RGPD2: variants seen among roughly 807,000 people sequenced by gnomAD.
The protein encoded by RGPD2 is RANBP2-like and GRIP domain-containing protein 2.
In RGPD2, 2 loss-of-function variants were observed where a neutral mutation model predicts 36.0. The observed-to-expected ratio is 0.06, with a 90% CI of 0.02 to 0.17. RGPD2 has a LOEUF of 0.17. Among genes scored for constraint, RGPD2 ranks in the 10% least tolerant of loss-of-function variants. The probability of loss-of-function intolerance (pLI) is 1.00; values close to 1 mark genes in which losing one functional copy is unlikely to be tolerated. For missense variants in RGPD2, 40 were observed against 464.3 expected (o/e 0.09, Z 8.40); for synonymous variants, 19 against 163.8 (o/e 0.12, Z 6.75).
At chr2:87,907,464 G>GAAAGTGGAATAAAAATAGA in the RGPD2 span, among the ~76,000 whole-genome samples, 1 of 2,012 alleles carries the variant, frequency 5.0e-4, no homozygotes, top group Non-Finnish European at 7.7e-4. Context: ...AAAAAAAAAA[G>GAAAGTGGAATAAAAATAGA]AATTGTGGGT....
the RGPD2 span, among the ~76,000 whole-genome samples, chr2:87,861,725 A>G: frequency 6.7e-6 from 1 of 149,656 alleles, no homozygotes; most frequent in Non-Finnish European, 1.5e-5. Flanking sequence ...ACCATTGCAG[A>G]CCATATAGCT....
the RGPD2 span, among the ~76,000 whole-genome samples, chr2:87,881,286 G>A: frequency 6.6e-6 from 1 of 152,152 alleles, no homozygotes; most frequent in African/African-American, 2.4e-5. Context: ...GAGGATGGTG[G>A]CTCCTTTCCC....
chr2:87,936,306 G>T, the RGPD2 span, among the ~76,000 whole-genome samples: 5 of 151,622 alleles, frequency 3.3e-5, no homozygotes, highest in Non-Finnish European at 7.4e-5. Flanking sequence ...ACAGAACATA[G>T]TTCTGAATTA....
chr2:87,875,861 G>A, the RGPD2 span, among the ~76,000 whole-genome samples: 5 of 152,258 alleles, frequency 3.3e-5, no homozygotes, highest in Middle Eastern at 3.4e-3. Context: ...TTTTGCCTTG[G>A]TAGGCTATTT....
At chr2:87,950,682 A>AGTGG in the RGPD2 span, among the ~76,000 whole-genome samples, 1 of 137,746 alleles carries the variant, frequency 7.3e-6, no homozygotes, top group Non-Finnish European at 1.6e-5. Context: ...TGTCACTTCC[A>AGTGG]GTGGGTACAG....
the RGPD2 span, among the ~76,000 whole-genome samples, chr2:87,884,359 A>T: frequency 6.6e-6 from 1 of 152,032 alleles, no homozygotes; most frequent in African/African-American, 2.4e-5. Context: ...CAGCTCTCAG[A>T]TAAAGAGCTT....
the RGPD2 span, among the ~76,000 whole-genome samples, chr2:87,963,410 CA>C: frequency 7.8e-6 from 1 of 128,884 alleles, no homozygotes; most frequent in Non-Finnish European, 1.7e-5. Context: ...TACCATGGCT[CA>C]TGCCTGTAAT....
chr2:87,984,480 T>A, the RGPD2 span, among the ~76,000 whole-genome samples: 11 of 150,456 alleles, frequency 7.3e-5, no homozygotes, highest in South Asian at 2.1e-4. Context: ...TTAGAAAAAA[T>A]TTTTAATGAT....
chr2:87,912,147 G>C, the RGPD2 span, among the ~76,000 whole-genome samples: 4 of 147,222 alleles, frequency 2.7e-5, no homozygotes, highest in Non-Finnish European at 4.5e-5. Context: ...TAAAAGCACT[G>C]TTTTATAACT....
rs533529835 is a variant in RGPD2 at position 87,824,862 on chromosome 2, G to GGCCGCC, written c.72+790_72+795dup. 3.0e-3 allele frequency: 111 copies of GGCCGCC among 37,516 alleles called. 1 individual carries two copies. Among genetic ancestry groups the GGCCGCC allele is most frequent in the South Asian group, 4.1e-3 (7 of 1,698 alleles). The allele number at this position is 37,516 out of a possible 1,614,324, so 2.3% of individuals were successfully genotyped here. A position where few individuals can be genotyped will look rare whatever the true frequency, so the allele number is the denominator to read the frequency against. On this transcript the variant is annotated intron_variant, in intron 1 of 22. Transcript: ENST00000398146. ...CGCCGCCCGGCCAGGCCGAGGCCGA[G>GGCCGCC]GCCGCCGCCGCCGCCGCCGCCGCCG... is the stretch of plus-strand genomic sequence containing the variant.
the RGPD2 span, among the ~76,000 whole-genome samples, chr2:87,861,200 A>C: frequency 1.3e-5 from 2 of 150,054 alleles, no homozygotes; most frequent in South Asian, 2.1e-4. Context: ...ATTTTACCAG[A>C]TAGAAATAAG....
chr2:87,854,165 A>G, the RGPD2 span, among the ~76,000 whole-genome samples: 3 of 127,876 alleles, frequency 2.3e-5, no homozygotes, highest in African/African-American at 6.0e-5. Context: ...CTGGAGTGCA[A>G]TGGCGTGATC....
chr2:87,836,990 C>T, the RGPD2 span, among the ~76,000 whole-genome samples: 1 of 151,978 alleles, frequency 6.6e-6, no homozygotes, highest in African/African-American at 2.4e-5. Context: ...CAGAGAAGAG[C>T]GTTACATAAT....
At chr2:87,867,597 T>C in the RGPD2 span, among the ~76,000 whole-genome samples, 1 of 151,862 alleles carries the variant, frequency 6.6e-6, no homozygotes, top group Admixed American at 6.6e-5. Flanking sequence ...TACTTCAGTT[T>C]TGAAACATTA....
intron 1 of RGPD2, chr2:87,825,007 C>T (rs1297230146): frequency 5.1e-6 from 2 of 392,844 alleles, no homozygotes; most frequent in African/African-American, 4.1e-5. Flanking sequence ...CACTATTCCT[C>T]ATCACTCAGC....
chr2:87,983,156 C>T, the RGPD2 span, among the ~76,000 whole-genome samples: 105 of 151,510 alleles, frequency 6.9e-4, 1 homozygote, highest in Admixed American at 2.1e-3. Flanking sequence ...CCCGTCTCTA[C>T]TAAAAATACA....
chr2:87,799,380 AAAG>A (rs1414239274), intron 8 of RGPD2, among the ~76,000 whole-genome samples: 3 of 57,474 alleles, frequency 5.2e-5, no homozygotes, highest in African/African-American at 1.4e-4. Flanking sequence ...AAAAAAAAAA[AAAG>A]AAGAGGCAAA....
chr2:87,933,677 G>A, the RGPD2 span, among the ~76,000 whole-genome samples: 1 of 149,204 alleles, frequency 6.7e-6, no homozygotes, highest in Non-Finnish European at 1.5e-5. Context: ...TAGTGTTTAA[G>A]TTCTGAGTTT....
chr2:87,837,404 A>G, the RGPD2 span, among the ~76,000 whole-genome samples: 2 of 144,960 alleles, frequency 1.4e-5, no homozygotes, highest in Non-Finnish European at 3.1e-5. Context: ...ATAGAAATCA[A>G]TATCAATAAG....
Sources: allele counts gnomAD v4.1 joint callset (sites outside exome capture counted in the v4.1 genomes callset), GRCh38; gene constraint gnomAD v4.1.1; transcripts MANE v1.5; gene names NCBI Gene and HGNC (gene_info 2026-07-23, HGNC 2026-07-21).